Variants in LRRC4C observed in about 807,000 individuals in gnomAD.
LRRC4C encodes leucine rich repeat containing 4C, also known as leucine-rich repeat-containing protein 4C.
In LRRC4C, 5 loss-of-function variants were observed where a neutral mutation model predicts 33.6. That is an observed-to-expected ratio of 0.15 (90% CI 0.08 to 0.31). The LOEUF (loss-of-function observed/expected upper bound fraction) is 0.31. LRRC4C is among the 10% of genes least tolerant of loss of function. The pLI, the probability that LRRC4C is intolerant of heterozygous loss-of-function variation, is 1.00. For synonymous variants in LRRC4C, 329 were observed against 302.0 expected, an observed-to-expected ratio of 1.09 and a Z score of -0.93; for missense variants, 560 against 796.7, an observed-to-expected ratio of 0.70 and a Z score of 3.58.
intron 2 of LRRC4C, among the ~76,000 whole-genome samples, chr11:40,660,332 G>A (rs974446176): frequency 6.6e-6 from 1 of 152,204 alleles, no homozygotes; most frequent in Non-Finnish European, 1.5e-5. Context: ...GTGGAGTGCA[G>A]CCTGCTGGGC....
intron 1 of LRRC4C, among the ~76,000 whole-genome samples, chr11:41,096,822 G>A (rs2135580323): frequency 6.6e-6 from 1 of 152,216 alleles, no homozygotes; most frequent in Middle Eastern, 3.4e-3. Flanking sequence ...CATCCAAAGA[G>A]CAAAGAAGAG....
At chr11:40,643,089 G>A (rs1942223057) in intron 3 of LRRC4C, among the ~76,000 whole-genome samples, 1 of 152,134 alleles carries the variant, frequency 6.6e-6, no homozygotes, top group Non-Finnish European at 1.5e-5. Flanking sequence ...TGACATGGTG[G>A]TGAGTTCCTG....
chr11:41,293,567 ATTTTATTT>A (rs1057185752), intron 1 of LRRC4C, among the ~76,000 whole-genome samples: 1 of 151,798 alleles, frequency 6.6e-6, no homozygotes, highest in African/African-American at 2.4e-5. Flanking sequence ...TAATCATGTT[ATTTTATTT>A]TTTTATTTTA....
intron 1 of LRRC4C, among the ~76,000 whole-genome samples, chr11:40,941,448 A>G (rs1958140261): frequency 6.6e-6 from 1 of 152,166 alleles, no homozygotes; most frequent in African/African-American, 2.4e-5. Context: ...AAGCTGTTTC[A>G]TTTAGTGATG....
chr11:40,763,027 C>A (rs1039185198), intron 2 of LRRC4C, among the ~76,000 whole-genome samples: 2 of 79,118 alleles, frequency 2.5e-5, no homozygotes, highest in African/African-American at 8.4e-5. Flanking sequence ...AATATTATGG[C>A]CATTTAAAAA....
At chr11:40,956,703 C>T (rs145058478) in intron 1 of LRRC4C, among the ~76,000 whole-genome samples, 1 of 151,706 alleles carries the variant, frequency 6.6e-6, no homozygotes, top group Non-Finnish European at 1.5e-5. Flanking sequence ...TATCTCTTCT[C>T]TATGTCACAA....
In LRRC4C at chr11:40,213,396, C is replaced by T. The variant is rs116674518; in HGVS notation, c.-96+28123G>A. On this transcript the variant is annotated intron_variant, in intron 5 of 6. Coordinates refer to ENST00000528697, the MANE Select transcript of LRRC4C (RefSeq NM_001258419.2). ...TGTGACCATCACCAGTTGAATATGT[C>T]ACGCTGGACAAAATGTTGGGAACTA... Among the ~76,000 whole-genome samples, 877 of 152,198 alleles carry T rather than the reference C, an allele frequency of 5.8e-3. 11 individuals are homozygous for T. The highest frequency in any genetic ancestry group is 0.02 in the African/African-American group (814 of 41,510).
At chr11:41,430,806 A>C (rs886741213) in intron 1 of LRRC4C, among the ~76,000 whole-genome samples, 10 of 152,034 alleles carry the variant, frequency 6.6e-5, no homozygotes, top group African/African-American at 2.4e-4. Flanking sequence ...ATATATATAT[A>C]TCTTTATTTT....
At chr11:41,319,598 C>G (rs932020668) in intron 1 of LRRC4C, among the ~76,000 whole-genome samples, 1 of 152,184 alleles carries the variant, frequency 6.6e-6, no homozygotes, top group African/African-American at 2.4e-5. Context: ...GCTGGAGTGT[C>G]ATGGCACAAT....
intron 4 of LRRC4C, among the ~76,000 whole-genome samples, chr11:40,306,315 C>T (rs1404133662): frequency 6.6e-6 from 1 of 152,102 alleles, no homozygotes; most frequent in African/African-American, 2.4e-5. Flanking sequence ...AATTGCTTTC[C>T]CTTTCCGTGT....
At chr11:41,287,257 A>T (rs1174274155) in intron 1 of LRRC4C, among the ~76,000 whole-genome samples, 1 of 152,208 alleles carries the variant, frequency 6.6e-6, no homozygotes, top group African/African-American at 2.4e-5. Context: ...AAGAACTATA[A>T]CAGGGAAAAT....
chr11:41,252,410 G>A (rs1051227565), intron 1 of LRRC4C, among the ~76,000 whole-genome samples: 1 of 152,104 alleles, frequency 6.6e-6, no homozygotes, highest in Non-Finnish European at 1.5e-5. Flanking sequence ...CATATTTACA[G>A]CCCAAAGGAG....
intron 2 of LRRC4C, among the ~76,000 whole-genome samples, chr11:40,835,552 A>C (rs749294001): frequency 4.6e-5 from 7 of 152,170 alleles, no homozygotes; most frequent in Non-Finnish European, 1.0e-4. Flanking sequence ...ATGACCACAA[A>C]AATCTGATTT....
chr11:40,599,388 C>A (rs1016344297), intron 3 of LRRC4C, among the ~76,000 whole-genome samples: 9 of 152,130 alleles, frequency 5.9e-5, no homozygotes, highest in Non-Finnish European at 1.0e-4. Flanking sequence ...GTCAAGGCTG[C>A]AGTGAGCTCT....
At chr11:41,405,319 G>A (rs12291510) in intron 1 of LRRC4C, among the ~76,000 whole-genome samples, 4,576 of 152,160 alleles carry the variant, frequency 0.03, 236 homozygotes, top group African/African-American at 0.1. Context: ...ACTAAAATAA[G>A]TATTCCCATC....
chr11:40,650,923 C>A (rs1340154359), intron 2 of LRRC4C, among the ~76,000 whole-genome samples: 1 of 152,146 alleles, frequency 6.6e-6, no homozygotes, highest in African/African-American at 2.4e-5. Context: ...TCACATTAAA[C>A]TTCTCTCATT....
At chr11:41,126,107 G>A (rs1387624178) in intron 1 of LRRC4C, among the ~76,000 whole-genome samples, 1 of 151,856 alleles carries the variant, frequency 6.6e-6, no homozygotes, top group Non-Finnish European at 1.5e-5. Context: ...CCAGGTGATG[G>A]GTTGATAGGT....
intron 2 of LRRC4C, among the ~76,000 whole-genome samples, chr11:40,707,572 G>C (rs768867667): frequency 5.9e-5 from 9 of 152,170 alleles, no homozygotes; most frequent in Non-Finnish European, 1.2e-4. Flanking sequence ...ACTTGACCTT[G>C]GTGGATAAGC....
chr11:40,855,917 A>G (rs1953756030), intron 2 of LRRC4C, among the ~76,000 whole-genome samples: 1 of 151,710 alleles, frequency 6.6e-6, no homozygotes, highest in Admixed American at 6.6e-5. Flanking sequence ...TTATTTTATT[A>G]TACTATATTT....
Sources: gnomAD v4.1 joint callset for allele counts (sites outside exome capture counted in the v4.1 genomes callset) on GRCh38, gnomAD v4.1.1 for gene constraint, MANE v1.5 for transcripts, NCBI Gene and HGNC (gene_info 2026-07-23, HGNC 2026-07-21) for gene names.